The following LHFPL3 variants were observed in gnomAD, a reference collection of about 807,000 sequenced individuals.
LHFPL3 encodes the protein LHFPL tetraspan subfamily member 3.
In LHFPL3, 5 loss-of-function variants were observed where a neutral mutation model predicts 19.3. The ratio of observed to expected loss-of-function variants is 0.26; its 90% CI spans 0.14 to 0.54. The LOEUF is 0.54. LHFPL3 is among the 20% of genes least tolerant of loss of function. The pLI, the probability that LHFPL3 is intolerant of heterozygous loss-of-function variation, is 0.94. For synonymous variants in LHFPL3, 133 were observed against 126.2 expected, an observed-to-expected ratio of 1.05 and a Z score of -0.36; for missense variants, 249 against 307.4, an observed-to-expected ratio of 0.81 and a Z score of 1.42.
chr7:104,860,725 T>C lies in LHFPL3; in HGVS notation c.683-45462T>C, dbSNP rs185195682. Among the ~76,000 whole-genome samples the C allele has an allele frequency of 1.8e-3, 267 of 152,348 alleles. 2 individuals carry two copies. The highest frequency in any genetic ancestry group is 6.1e-3 in the African/African-American group (252 of 41,576). ...CATCTCCTAGAATGTAAAGTGTTTATAGAAGAAATTTCAGACTCTACCAGT... is the reference window on the plus strand; with the variant it reads ...CATCTCCTAGAATGTAAAGTGTTTACAGAAGAAATTTCAGACTCTACCAGT... On this transcript the variant is annotated intron_variant, in intron 2 of 2. Transcript: ENST00000424859.
At chr7:104,735,350 T>C (rs922298517) in intron 1 of LHFPL3, among the ~76,000 whole-genome samples, 3 of 152,372 alleles carry the variant, frequency 2.0e-5, no homozygotes, top group African/African-American at 7.2e-5. Flanking sequence ...CTCCTTGAGC[T>C]GCGGTGGGCT....
At chr7:104,901,766 C>T (rs1004491678) in intron 2 of LHFPL3, among the ~76,000 whole-genome samples, 4 of 151,962 alleles carry the variant, frequency 2.6e-5, no homozygotes, top group Non-Finnish European at 5.9e-5. Context: ...CACAGCATCT[C>T]CTTATGTTGC....
intron 1 of LHFPL3, among the ~76,000 whole-genome samples, chr7:104,599,558 A>G (rs985099816): frequency 3.3e-5 from 5 of 152,194 alleles, no homozygotes; most frequent in Admixed American, 3.3e-4. Context: ...TTCCTCGTTC[A>G]TTGAATTAGC....
intron 1 of LHFPL3, among the ~76,000 whole-genome samples, chr7:104,585,095 C>T (rs533387237): frequency 6.6e-6 from 1 of 152,202 alleles, no homozygotes; most frequent in Non-Finnish European, 1.5e-5. Flanking sequence ...TGTCCTCTGT[C>T]CTTCTCCCTA....
rs535982797 is a variant in LHFPL3, at chr7:104,733,519, G to A, written c.446-3156G>A. On this transcript the variant is annotated intron_variant, in intron 1 of 2. Coordinates refer to ENST00000424859, the MANE Select transcript of LHFPL3 (RefSeq NM_199000.3). ...TTTGATCTTTGTTGTTTTAAAGTCT[G>A]TTTTATCAGAGACTAGGATTGCAAC... Among the ~76,000 whole-genome samples the A allele has an allele frequency of 2.5e-3, 377 of 152,282 alleles. 1 individual carries two copies. Among genetic ancestry groups the A allele is most frequent in the Middle Eastern group, 0.014 (4 of 294 alleles).
chr7:104,633,220 CATCA>C (rs1791675566), intron 1 of LHFPL3, among the ~76,000 whole-genome samples: 1 of 152,198 alleles, frequency 6.6e-6, no homozygotes, highest in South Asian at 2.1e-4. Flanking sequence ...CTTTGGAAAA[CATCA>C]GTCAGTCCTG....
chr7:104,743,741 C>T (rs75004837), intron 2 of LHFPL3, among the ~76,000 whole-genome samples: 192 of 152,318 alleles, frequency 1.3e-3, no homozygotes, highest in African/African-American at 4.0e-3. Flanking sequence ...TCTAAATTTT[C>T]ACAGCTAGGA....
intron 2 of LHFPL3, among the ~76,000 whole-genome samples, chr7:104,890,158 G>T (rs1258334550): frequency 1.3e-5 from 2 of 152,102 alleles, no homozygotes; most frequent in African/African-American, 4.8e-5. Context: ...TAACAAATTA[G>T]CCAGGCTTCA....
intron 1 of LHFPL3, among the ~76,000 whole-genome samples, chr7:104,477,749 T>G (rs1431620036): frequency 5.9e-5 from 1 of 17,092 alleles, no homozygotes. Context: ...GAACTTAAAA[T>G]AAGTTAAAAA....
In LHFPL3 at chr7:104,507,303, G is replaced by T. The variant is rs10257915; in HGVS notation, c.445+178079G>T. 3.3e-3 allele frequency among the ~76,000 whole-genome samples: 441 copies of T among 131,822 alleles called. 46 individuals are homozygous for T. The East Asian group carries it at 0.092, about 27-fold the overall frequency. 86.5% of individuals were successfully genotyped at this position (131,822 alleles called of 152,430 possible). ...GAACAGAGCCCTCAGAAATAACCCCGCATATCTACAACTATCAGATCTTTG... is the reference window on the plus strand; with the variant it reads ...GAACAGAGCCCTCAGAAATAACCCCTCATATCTACAACTATCAGATCTTTG... On this transcript the variant is annotated intron_variant, in intron 1 of 2. Transcript: ENST00000424859.
chr7:104,904,766 T>C (rs1322855945), intron 2 of LHFPL3, among the ~76,000 whole-genome samples: 1 of 152,172 alleles, frequency 6.6e-6, no homozygotes, highest in Admixed American at 6.5e-5. Flanking sequence ...GCTAGCTGTA[T>C]TTACCCAACT....
chr7:104,460,793 G>A (rs1239702465), intron 1 of LHFPL3, among the ~76,000 whole-genome samples: 1 of 152,114 alleles, frequency 6.6e-6, no homozygotes, highest in Non-Finnish European at 1.5e-5. Flanking sequence ...TTCTTAGGTT[G>A]TGTGTTTACT....
rs138343443 is a variant in LHFPL3 at position 104,655,333 on chromosome 7, GA to G, written c.446-81339del. ...CTTTTGACTGGTAATTAAACAGGGA[GA>G]AAGATGACTAAGTAGGCAGGTATCT... is the stretch of plus-strand genomic sequence containing the variant. On this transcript the variant is annotated intron_variant, in intron 1 of 2. Transcript: ENST00000424859. 2.3e-3 allele frequency among the ~76,000 whole-genome samples: 347 copies of G among 152,308 alleles called. 3 individuals are homozygous for G. The highest frequency in any genetic ancestry group is 8.0e-3 in the African/African-American group (333 of 41,562).
chr7:104,597,410 T>G lies in LHFPL3; in HGVS notation c.446-139265T>G, dbSNP rs577159360. 6.6e-5 allele frequency among the ~76,000 whole-genome samples: 10 copies of G among 152,320 alleles called. No homozygotes were observed. In the South Asian group the frequency reaches 2.1e-3, roughly 32 times the overall value. On this transcript the variant is annotated intron_variant, in intron 1 of 2. Coordinates refer to ENST00000424859, the MANE Select transcript of LHFPL3 (RefSeq NM_199000.3). ...GCTTTAGCTAAGACTAGAAGATGCA[T>G]CTTTAAACTGATCCCTTTGATTAAA...
chr7:104,730,595 TG>T (rs1385139851), intron 1 of LHFPL3, among the ~76,000 whole-genome samples: 1 of 134,320 alleles, frequency 7.4e-6, no homozygotes, highest in Non-Finnish European at 1.6e-5. Context: ...TGGGGTTGTT[TG>T]TTTTTTTCTT....
At chr7:104,792,246 T>C (rs895433565) in intron 2 of LHFPL3, among the ~76,000 whole-genome samples, 1 of 152,152 alleles carries the variant, frequency 6.6e-6, no homozygotes, top group African/African-American at 2.4e-5. Context: ...TAGAAGTGTG[T>C]GCCTGTAGCC....
intron 1 of LHFPL3, chr7:104,669,670 C>G (rs1213059602): frequency 1.5e-6 from 2 of 1,307,356 alleles, no homozygotes; most frequent in African/African-American, 1.5e-5. Context: ...CAAAATAAAA[C>G]TCACCATCTC....
intron 1 of LHFPL3, among the ~76,000 whole-genome samples, chr7:104,444,650 C>T (rs146600079): frequency 1.3e-5 from 2 of 152,072 alleles, no homozygotes; most frequent in African/African-American, 4.8e-5. Context: ...TATAAGACAC[C>T]CATGGTTTAG....
intron 1 of LHFPL3, among the ~76,000 whole-genome samples, chr7:104,441,176 G>T (rs919665939): frequency 6.6e-6 from 1 of 152,048 alleles, no homozygotes; most frequent in Non-Finnish European, 1.5e-5. Flanking sequence ...TTTTAAGCCC[G>T]TTGAACAACT....
Sources: gnomAD v4.1 joint callset for allele counts (sites outside exome capture counted in the v4.1 genomes callset) on GRCh38, gnomAD v4.1.1 for gene constraint, MANE v1.5 for transcripts, NCBI Gene and HGNC (gene_info 2026-07-23, HGNC 2026-07-21) for gene names.